Variants in SRPK2 observed in about 807,000 individuals in gnomAD.
The protein encoded by SRPK2 is SRSF protein kinase 2.
A neutral mutation model predicts 90.8 loss-of-function variants in SRPK2; 21 were observed. That is an observed-to-expected ratio of 0.23 (90% CI 0.16 to 0.33). The LOEUF is 0.33. Ranked by LOEUF, SRPK2 falls within the 10% of genes least tolerant of loss-of-function variation. The pLI, the probability that SRPK2 is intolerant of heterozygous loss-of-function variation, is 1.00. For missense variants in SRPK2, 620 were observed against 869.0 expected (o/e 0.71, Z 3.60); for synonymous variants, 288 against 311.1 (o/e 0.93, Z 0.78).
chr7:105,246,840 C>T (rs1437129623), intron 2 of SRPK2, among the ~76,000 whole-genome samples: 1 of 152,156 alleles, frequency 6.6e-6, no homozygotes, highest in African/African-American at 2.4e-5. Flanking sequence ...TTTCACTTTC[C>T]CTGAACTGTC....
chr7:105,306,747 C>A (rs1811189880), intron 2 of SRPK2: 2 of 189,942 alleles, frequency 1.1e-5, no homozygotes, highest in South Asian at 8.6e-5. Context: ...TGGAGAATAA[C>A]TTTTAAAAAG....
At chr7:105,384,898 A>G (rs1330079675) in intron 2 of SRPK2, among the ~76,000 whole-genome samples, 1 of 149,330 alleles carries the variant, frequency 6.7e-6, no homozygotes, top group Admixed American at 6.7e-5. Context: ...TTTTTTTGAG[A>G]CGGAGTCTGG....
At chr7:105,289,839 T>C (rs1808717378) in intron 2 of SRPK2, among the ~76,000 whole-genome samples, 1 of 152,014 alleles carries the variant, frequency 6.6e-6, no homozygotes, top group South Asian at 2.1e-4. Flanking sequence ...CTAAGCTTAA[T>C]CATTTCTTAC....
At chr7:105,245,048 C>T in intron 2 of SRPK2, 1 of 637,876 alleles carries the variant, frequency 1.6e-6, no homozygotes, top group East Asian at 2.8e-5. Flanking sequence ...CACACACACA[C>T]ACACACACAC....
chr7:105,193,334 G>C (rs1184426509), intron 3 of SRPK2, among the ~76,000 whole-genome samples: 1 of 152,138 alleles, frequency 6.6e-6, no homozygotes, highest in East Asian at 1.9e-4. Context: ...TCAAAGATCA[G>C]TTGGCTGTAA....
At chr7:105,167,870 C>CA (rs1790285588) in intron 5 of SRPK2, 138 bp downstream of exon 5, 1 of 672,910 alleles carries the variant, frequency 1.5e-6, no homozygotes, top group African/African-American at 1.9e-5. Context: ...TTTGGCCTCC[C>CA]AAAGTGCTGA....
intron 7 of SRPK2, among the ~76,000 whole-genome samples, chr7:105,158,816 T>G (rs1052945313): frequency 6.6e-5 from 10 of 151,690 alleles, no homozygotes; most frequent in African/African-American, 4.8e-5. Context: ...TTTTGTGTTT[T>G]TTTTTTTTTT....
chr7:105,266,639 T>A (rs1394063364), intron 2 of SRPK2, among the ~76,000 whole-genome samples: 1 of 152,094 alleles, frequency 6.6e-6, no homozygotes, highest in Non-Finnish European at 1.5e-5. Context: ...CCTCAAACCA[T>A]TAACTTATTT....
At chr7:105,375,420 A>C (rs949830750) in intron 2 of SRPK2, among the ~76,000 whole-genome samples, 2 of 152,196 alleles carry the variant, frequency 1.3e-5, no homozygotes, top group African/African-American at 4.8e-5. Flanking sequence ...ACTGGCTCAC[A>C]CCTGTAATCC....
intron 3 of SRPK2, among the ~76,000 whole-genome samples, chr7:105,193,427 T>C (rs560890163): frequency 9.8e-5 from 15 of 152,374 alleles, no homozygotes; most frequent in African/African-American, 3.6e-4. Flanking sequence ...GCTGTTTTGG[T>C]GACTGTGCTC....
At position 105,310,597 on chromosome 7, in the gene SRPK2, C is replaced by T. The variant is rs1379988821; in HGVS notation, c.71+78051G>A. On this transcript the variant is annotated intron_variant, in intron 2 of 15. Transcript: ENST00000393651. ...AGGCAGAGGTTGTAGAAGCCGAGAT[C>T]GCGCCACTGCACTCCAGCCCGGGTT... 2.6e-5 allele frequency among the ~76,000 whole-genome samples: 4 copies of T among 151,928 alleles called. No individual in the cohort carries two copies. In the East Asian group the frequency reaches 5.8e-4, roughly 22 times the overall value.
At chr7:105,339,135 C>T (rs1219887701) in intron 2 of SRPK2, among the ~76,000 whole-genome samples, 4 of 151,968 alleles carry the variant, frequency 2.6e-5, no homozygotes, top group Admixed American at 6.6e-5. Context: ...TCCATTCTTG[C>T]GTTAATTAAG....
intron 2 of SRPK2, among the ~76,000 whole-genome samples, chr7:105,251,524 A>T (rs534362176): frequency 1.3e-5 from 2 of 152,246 alleles, no homozygotes; most frequent in East Asian, 3.9e-4. Flanking sequence ...TTTATGAAAA[A>T]GACTGGGCTG....
intron 3 of SRPK2, among the ~76,000 whole-genome samples, chr7:105,203,112 C>T (rs998141183): frequency 1.3e-5 from 2 of 152,162 alleles, no homozygotes; most frequent in African/African-American, 4.8e-5. Flanking sequence ...CCTTAGCGCC[C>T]CAAGTGCCTG....
chr7:105,307,759 T>G (rs1441978433), intron 2 of SRPK2, among the ~76,000 whole-genome samples: 3 of 152,182 alleles, frequency 2.0e-5, no homozygotes, highest in Non-Finnish European at 4.4e-5. Flanking sequence ...ATTTCCTAAG[T>G]TTAACTTTAA....
intron 15 of SRPK2, among the ~76,000 whole-genome samples, chr7:105,123,976 G>C (rs995421898): frequency 6.6e-6 from 1 of 152,228 alleles, no homozygotes; most frequent in Non-Finnish European, 1.5e-5. Context: ...CAAATAAGCT[G>C]CTCAAAAAGA....
At chr7:105,271,450 G>A (rs1412005654) in intron 2 of SRPK2, among the ~76,000 whole-genome samples, 1 of 152,144 alleles carries the variant, frequency 6.6e-6, no homozygotes, top group African/African-American at 2.4e-5. Context: ...AGAAATCAAG[G>A]AACGTTAACA....
intron 2 of SRPK2, among the ~76,000 whole-genome samples, chr7:105,214,818 C>G (rs923792197): frequency 3.9e-5 from 6 of 152,160 alleles, no homozygotes; most frequent in African/African-American, 1.4e-4. Context: ...TCCCAGCCAG[C>G]TTCTTTGCTG....
chr7:105,253,892 T>C (rs563739000), intron 2 of SRPK2, among the ~76,000 whole-genome samples: 5 of 101,964 alleles, frequency 4.9e-5, no homozygotes, highest in African/African-American at 1.8e-4. Flanking sequence ...ACATCTTTAT[T>C]TTAAAAAAAA....
Sources: allele counts gnomAD v4.1 joint callset (sites outside exome capture counted in the v4.1 genomes callset), GRCh38; gene constraint gnomAD v4.1.1; transcripts MANE v1.5; gene names NCBI Gene and HGNC (gene_info 2026-07-23, HGNC 2026-07-21).